IRS1: variants seen among roughly 807,000 people sequenced by gnomAD.
IRS1 encodes the protein insulin receptor substrate 1.
Under a neutral mutation model 65.6 loss-of-function variants are expected in IRS1, and 34 were observed. The observed-to-expected ratio is 0.52, with a 90% CI of 0.39 to 0.69. The LOEUF (loss-of-function observed/expected upper bound fraction) is 0.69. Among genes scored for constraint, IRS1 ranks in the 30% least tolerant of loss-of-function variants. The pLI, the probability that IRS1 is intolerant of heterozygous loss-of-function variation, is 0.00. For synonymous variants in IRS1, 699 were observed against 683.5 expected (o/e 1.02, Z -0.35); for missense variants, 1,641 against 1,720.2 (o/e 0.95, Z 0.81).
Position 226,798,868 on chromosome 2 carries a change from A to G in IRS1, c.-130T>C, listed in dbSNP as rs1939823645. On this transcript the variant is annotated 5_prime_UTR_variant, in exon 1 of 2. Transcript: ENST00000305123. The surrounding 1 kb of genome is among the most constrained non-coding windows in gnomAD (Gnocchi z 9.4). ...GAGGCAGCAGAAACCCCGACTCTGAAATCCACGCCGCCCCCCGCGCCGGGG... is the reference window on the plus strand; with the variant it reads ...GAGGCAGCAGAAACCCCGACTCTGAGATCCACGCCGCCCCCCGCGCCGGGG... The G allele has an allele frequency of 2.6e-6, 4 of 1,527,680 alleles. No individual in the cohort carries two copies. Among genetic ancestry groups the G allele is most frequent in the Non-Finnish European group, 2.6e-6 (3 of 1,134,376 alleles). The allele number at this position is 1,527,680 out of a possible 1,614,324, so 94.6% of individuals were successfully genotyped here. A position where few individuals can be genotyped will look rare whatever the true frequency, so the allele number is the denominator to read the frequency against.
intron 1 of IRS1, among the ~76,000 whole-genome samples, chr2:226,791,864 G>T (rs917045543): frequency 6.6e-6 from 1 of 152,106 alleles, no homozygotes; most frequent in East Asian, 1.9e-4. Flanking sequence ...GACCCGAGAC[G>T]GGCGGGGGCG....
Position 226,794,858 on chromosome 2 carries a change from C to T in IRS1, c.*21+131G>A. ...AGTGTGGGGTGAGCATCTTGTGTGC[C>T]CTGAGAATGTAAGTGCATTCTCCCT... On this transcript the variant is annotated intron_variant, in intron 1 of 1. Transcript: ENST00000305123. This position sits in a 1 kb window ranked among gnomAD's most constrained non-coding sequence, Gnocchi z 4.1. 1.2e-6 allele frequency: 1 copy of T among 829,550 alleles called. No homozygotes were observed. The highest frequency in any genetic ancestry group is 1.7e-5 in the African/African-American group (1 of 60,442). 51.4% of individuals were successfully genotyped at this position (829,550 alleles called of 1,614,324 possible).
At chr2:226,756,765 C>A (rs934498303) in intron 1 of IRS1, among the ~76,000 whole-genome samples, 32 of 152,156 alleles carry the variant, frequency 2.1e-4, no homozygotes, top group African/African-American at 7.5e-4. Flanking sequence ...ATATAGAGAC[C>A]ATCCTGGCCA....
intron 1 of IRS1, among the ~76,000 whole-genome samples, chr2:226,765,049 G>C (rs897267713): frequency 3.3e-5 from 5 of 152,042 alleles, no homozygotes; most frequent in African/African-American, 7.2e-5. Context: ...CTTAGCTCTC[G>C]CAAGCTTACA....
At chr2:226,740,511 A>G (rs562610760) in intron 1 of IRS1, among the ~76,000 whole-genome samples, 39 of 152,240 alleles carry the variant, frequency 2.6e-4, no homozygotes, top group African/African-American at 9.1e-4. Context: ...TTCCTTTTAC[A>G]TTGTCTCAGC....
rs1200588382 is a variant in IRS1 at position 226,799,365 on chromosome 2, T to C, written c.-627A>G. On this transcript the variant is annotated 5_prime_UTR_variant, in exon 1 of 2. Coordinates refer to ENST00000305123, the MANE Select transcript of IRS1 (RefSeq NM_005544.3). This position sits in a 1 kb window ranked among gnomAD's most constrained non-coding sequence, Gnocchi z 6.1. ...GACCGCGGCGCTGCGGCTGTTGCTG[T>C]TGCTGCTGCTGCTGCTGCTGCTGCT... is the stretch of plus-strand genomic sequence containing the variant. The C allele has an allele frequency of 4.0e-6, 5 of 1,239,752 alleles. No individual in the cohort carries two copies. Among genetic ancestry groups the C allele is most frequent in the South Asian group, 1.4e-5 (1 of 71,482 alleles). The allele number at this position is 1,239,752 out of a possible 1,614,324, so 76.8% of individuals were successfully genotyped here.
In IRS1 at chr2:226,797,021, T is replaced by A. The variant is rs765162281; in HGVS notation, c.1718A>T (p.His573Leu). Reference protein sequence around the residue: ...GSGGRLPGHRHSAFVPTRSYP... With the variant: ...GSGGRLPGHRLSAFVPTRSYP... Reference sequence around the variant, plus strand: ...GGAGCGGGTGGGCACGAAGGCGGAGTGCCTGTGTCCCGGCAGTCGGCCTCC... The same window carrying A: ...GGAGCGGGTGGGCACGAAGGCGGAGAGCCTGTGTCCCGGCAGTCGGCCTCC... Residue 573 changes from histidine to leucine, a missense_variant, in exon 1 of 2, where the codon CAC becomes CTC. His to Leu is a moderately conservative substitution (Grantham distance 99). Coordinates refer to ENST00000305123, the MANE Select transcript of IRS1 (RefSeq NM_005544.3). This position sits in a 1 kb window ranked among gnomAD's most constrained non-coding sequence, Gnocchi z 8.1. The A allele has an allele frequency of 2.5e-6, 4 of 1,604,306 alleles. No individual in the cohort carries two copies. In the African/African-American group the frequency reaches 5.4e-5, roughly 22 times the overall value.
At chr2:226,778,361 C>T (rs1939313228) in intron 1 of IRS1, among the ~76,000 whole-genome samples, 1 of 152,102 alleles carries the variant, frequency 6.6e-6, no homozygotes, top group Non-Finnish European at 1.5e-5. Flanking sequence ...CTGTTATCCA[C>T]TAGAAAAAGC....
At chr2:226,789,085 G>A (rs1324504088) in intron 1 of IRS1, among the ~76,000 whole-genome samples, 1 of 152,184 alleles carries the variant, frequency 6.6e-6, no homozygotes, top group Admixed American at 6.5e-5. Context: ...AATAATTGAG[G>A]AAATGGCTTT....
chr2:226,745,328 T>A (rs1938518420), intron 1 of IRS1, among the ~76,000 whole-genome samples: 1 of 152,206 alleles, frequency 6.6e-6, no homozygotes, highest in African/African-American at 2.4e-5. Flanking sequence ...GACAAGTGAG[T>A]AACCTGTATG....
intron 1 of IRS1, chr2:226,792,140 CTTTTTCT>C (rs1464336365): frequency 1.3e-5 from 2 of 151,784 alleles, no homozygotes; most frequent in Non-Finnish European, 2.9e-5. Flanking sequence ...TGTTTTTTTT[CTTTTTCT>C]TTTTTCTTTT....
At chr2:226,786,765 T>TA (rs1939495703) in intron 1 of IRS1, among the ~76,000 whole-genome samples, 1 of 147,314 alleles carries the variant, frequency 6.8e-6, no homozygotes, top group African/African-American at 2.5e-5. Context: ...CCCAGCAAGC[T>TA]ATTATAAAAC....
rs1294206506 is a variant in IRS1, at chr2:226,798,569, G to C, written c.170C>G (p.Ser57Trp). The change falls in exon 1 of 2, where the codon TCG (serine) becomes TGG (tryptophan). Residue 57 changes from serine (S) to tryptophan (W), a missense_variant. Coordinates refer to ENST00000305123, the MANE Select transcript of IRS1 (RefSeq NM_005544.3). The surrounding 1 kb of genome is among the most constrained non-coding windows in gnomAD (Gnocchi z 9.4). ...YENEKKWRHK[S>W]SAPKRSIPLE... ...GGGGATCGAGCGTTTGGGGGCGCTC[G>C]ACTTGTGCCGCCACTTCTTCTCGTT... The C allele has an allele frequency of 6.2e-7, 1 of 1,613,840 alleles. No homozygotes were observed. Among genetic ancestry groups the C allele is most frequent in the East Asian group, 2.2e-5 (1 of 44,874 alleles).
chr2:226,776,833 G>A (rs1939283447), intron 1 of IRS1, among the ~76,000 whole-genome samples: 1 of 152,268 alleles, frequency 6.6e-6, no homozygotes, highest in South Asian at 2.1e-4. Context: ...TGGAATCCAG[G>A]AGGCAGAGGC....
intron 1 of IRS1, among the ~76,000 whole-genome samples, chr2:226,746,620 C>A (rs1245492158): frequency 6.6e-6 from 1 of 152,008 alleles, no homozygotes; most frequent in Non-Finnish European, 1.5e-5. Flanking sequence ...GAGGGGTCGA[C>A]CTTTCACCTA....
In IRS1 at chr2:226,796,526, A is replaced by G. The variant is rs771926934; in HGVS notation, c.2213T>C (p.Val738Ala). ...GGGGCTGCTGGTGTTGGAGTCCCCCACTGGTGACATGTTCATGTAGTCACC... is the reference window on the plus strand; with the variant it reads ...GGGGCTGCTGGTGTTGGAGTCCCCCGCTGGTGACATGTTCATGTAGTCACC... ...CTGDYMNMSPVGDSNTSSPSD... is the reference protein window; with the variant it reads ...CTGDYMNMSPAGDSNTSSPSD... Residue 738 changes from valine (V) to alanine (A), a missense_variant, in exon 1 of 2, where the codon GTG becomes GCG. Val to Ala is a moderately conservative substitution (Grantham distance 64). Around this residue, in one of 3 missense-constraint regions of IRS1, gnomAD observed 1,324 missense variants for 1,361.0 expected, o/e 0.97. Coordinates refer to ENST00000305123, the MANE Select transcript of IRS1 (RefSeq NM_005544.3). 1.2e-6 allele frequency: 2 copies of G among 1,614,030 alleles called. No homozygotes were observed. Among genetic ancestry groups the G allele is most frequent in the South Asian group, 1.1e-5 (1 of 91,092 alleles).
At chr2:226,781,384 G>A (rs1048886165) in intron 1 of IRS1, among the ~76,000 whole-genome samples, 12 of 152,088 alleles carry the variant, frequency 7.9e-5, no homozygotes, top group African/African-American at 2.7e-4. Flanking sequence ...CTAAAGTGGT[G>A]AGTAACAGTA....
intron 1 of IRS1, among the ~76,000 whole-genome samples, chr2:226,774,545 A>T (rs936902808): frequency 9.6e-4 from 147 of 152,354 alleles, no homozygotes; most frequent in African/African-American, 3.5e-3. Context: ...CAAACAAAAA[A>T]AATATTCAAG....
chr2:226,787,263 G>A (rs1332194313), intron 1 of IRS1, among the ~76,000 whole-genome samples: 1 of 152,122 alleles, frequency 6.6e-6, no homozygotes, highest in African/African-American at 2.4e-5. Context: ...TCTTCCAAAT[G>A]AGAGTTCCTT....
Sources: gnomAD v4.1 joint callset for allele counts (sites outside exome capture counted in the v4.1 genomes callset) on GRCh38, gnomAD v4.1.1 for gene constraint, gnomAD v4.1.1 regional missense constraint, Gnocchi (gnomAD v3.1) non-coding constraint, MANE v1.5 for transcripts, NCBI Gene and HGNC (gene_info 2026-07-23, HGNC 2026-07-21) for gene names.